TRPC7: variants seen among roughly 807,000 people sequenced by gnomAD.
The protein encoded by TRPC7 is short transient receptor potential channel 7.
Under a neutral mutation model 90.1 loss-of-function variants are expected in TRPC7, and 42 were observed. That is an observed-to-expected ratio of 0.47 (90% CI 0.36 to 0.60). The LOEUF is 0.60. Ranked by LOEUF, TRPC7 falls within the 20% of genes least tolerant of loss-of-function variation. TRPC7 has a pLI of 0.00. For synonymous variants in TRPC7, 451 were observed against 436.3 expected (o/e 1.03, Z -0.42); for missense variants, 955 against 1,112.3 (o/e 0.86, Z 2.01).
chr5:136,306,252 T>A (rs775887726), intron 3 of TRPC7, among the ~76,000 whole-genome samples: 1 of 152,214 alleles, frequency 6.6e-6, no homozygotes, highest in East Asian at 1.9e-4. Flanking sequence ...TCTAATCATA[T>A]GTCCTAGGTC....
At chr5:136,237,994 G>A (rs1385419789) in intron 7 of TRPC7, among the ~76,000 whole-genome samples, 1 of 150,998 alleles carries the variant, frequency 6.6e-6, no homozygotes. Context: ...GGTTCCTCCC[G>A]CCTCCTGGAG....
At chr5:136,301,050 G>A (rs344821) in intron 3 of TRPC7, among the ~76,000 whole-genome samples, 97,348 of 151,968 alleles carry the variant, frequency 0.64, 31,971 homozygotes, top group African/African-American at 0.8. Flanking sequence ...TTTTTCTGAG[G>A]TGGAGTTTCA....
intron 3 of TRPC7, among the ~76,000 whole-genome samples, chr5:136,302,244 C>A (rs947216681): frequency 3.3e-5 from 5 of 152,238 alleles, no homozygotes; most frequent in African/African-American, 9.6e-5. Context: ...AGGTGTCAGA[C>A]CACGCAGGGA....
intron 10 of TRPC7, among the ~76,000 whole-genome samples, chr5:136,219,933 T>C (rs1468876090): frequency 6.6e-6 from 1 of 152,220 alleles, no homozygotes; most frequent in Non-Finnish European, 1.5e-5. Context: ...GAGGATATTG[T>C]TGCGGGAAGT....
intron 2 of TRPC7, among the ~76,000 whole-genome samples, chr5:136,319,286 C>G (rs1329051958): frequency 3.9e-5 from 6 of 152,136 alleles, no homozygotes; most frequent in Non-Finnish European, 5.9e-5. Flanking sequence ...GTGTTCCCTC[C>G]TCTGGCTGTG....
At chr5:136,339,598 A>T (rs1390130212) in intron 2 of TRPC7, among the ~76,000 whole-genome samples, 4 of 152,156 alleles carry the variant, frequency 2.6e-5, no homozygotes, top group East Asian at 3.8e-4. Flanking sequence ...CCTGTGACTT[A>T]TACCAAGAAA....
chr5:136,245,623 C>T (rs1004066991), intron 7 of TRPC7, among the ~76,000 whole-genome samples: 2 of 152,092 alleles, frequency 1.3e-5, no homozygotes, highest in African/African-American at 4.8e-5. Flanking sequence ...AAGTGCTTAG[C>T]CCCATTGATC....
At chr5:136,339,948 A>C (rs1013191861) in intron 2 of TRPC7, among the ~76,000 whole-genome samples, 7 of 146,620 alleles carry the variant, frequency 4.8e-5, no homozygotes, top group African/African-American at 1.7e-4. Flanking sequence ...AAATACTAGA[A>C]GAGAACTCAG....
intron 2 of TRPC7, among the ~76,000 whole-genome samples, chr5:136,318,349 T>C (rs1759092673): frequency 6.6e-6 from 1 of 152,182 alleles, no homozygotes; most frequent in Non-Finnish European, 1.5e-5. Flanking sequence ...GTGCTCTACC[T>C]GCATTATCTC....
At chr5:136,316,012 T>C in intron 2 of TRPC7, 4 of 526,126 alleles carry the variant, frequency 7.6e-6, no homozygotes, top group Non-Finnish European at 1.3e-5. Flanking sequence ...GTGTGGTCCA[T>C]GGGCCACCTG....
intron 2 of TRPC7, among the ~76,000 whole-genome samples, chr5:136,319,489 C>A (rs1284763329): frequency 6.6e-6 from 1 of 152,060 alleles, no homozygotes; most frequent in African/African-American, 2.4e-5. Context: ...TTCTCTTGAC[C>A]CCACTTCTCC....
At chr5:136,290,659 A>C (rs960944918) in intron 3 of TRPC7, among the ~76,000 whole-genome samples, 2 of 152,242 alleles carry the variant, frequency 1.3e-5, no homozygotes, top group African/African-American at 4.8e-5. Flanking sequence ...CCAAGTCTAC[A>C]TCTAATTGGT....
At chr5:136,358,789 T>C (rs1760470184) in intron 1 of TRPC7, among the ~76,000 whole-genome samples, 1 of 152,230 alleles carries the variant, frequency 6.6e-6, no homozygotes, top group Non-Finnish European at 1.5e-5. Flanking sequence ...ACTTTTTTGA[T>C]TCTCCAATTG....
intron 8 of TRPC7, among the ~76,000 whole-genome samples, chr5:136,228,634 T>TG (rs1755713564): frequency 7.1e-6 from 1 of 139,882 alleles, no homozygotes; most frequent in South Asian, 2.3e-4. Flanking sequence ...GGGGCTGGGG[T>TG]GGGGGGAGTT....
At chr5:136,352,985 T>C (rs1415497622) in intron 2 of TRPC7, among the ~76,000 whole-genome samples, 3 of 152,232 alleles carry the variant, frequency 2.0e-5, no homozygotes, top group African/African-American at 7.2e-5. Context: ...GAAATGATTA[T>C]TGTTTTAGGA....
At chr5:136,221,302 A>G (rs1367797015) in intron 10 of TRPC7, among the ~76,000 whole-genome samples, 1 of 152,196 alleles carries the variant, frequency 6.6e-6, no homozygotes, top group Admixed American at 6.5e-5. Flanking sequence ...ATTGAGTGCT[A>G]TCACTCAGGC....
At chr5:136,248,422 G>A (rs1478166558) in intron 6 of TRPC7, among the ~76,000 whole-genome samples, 1 of 152,252 alleles carries the variant, frequency 6.6e-6, no homozygotes, top group Admixed American at 6.5e-5. Context: ...GTACAGATAA[G>A]TGTTTGTCAA....
chr5:136,353,110 C>A (rs555525564), intron 2 of TRPC7, among the ~76,000 whole-genome samples: 1 of 152,246 alleles, frequency 6.6e-6, no homozygotes, highest in South Asian at 2.1e-4. Flanking sequence ...CTTTCTAGAT[C>A]CAAGATTAGA....
intron 5 of TRPC7, among the ~76,000 whole-genome samples, chr5:136,261,661 T>C (rs993560406): frequency 2.6e-5 from 4 of 152,260 alleles, no homozygotes; most frequent in Admixed American, 2.6e-4. Flanking sequence ...TACTTTAGCC[T>C]TCTTTGCTGG....
Sources: gnomAD v4.1 joint callset for allele counts (sites outside exome capture counted in the v4.1 genomes callset) on GRCh38, gnomAD v4.1.1 for gene constraint, MANE v1.5 for transcripts, NCBI Gene and HGNC (gene_info 2026-07-23, HGNC 2026-07-21) for gene names.